The following PCGF5 variants were observed in gnomAD, a reference collection of about 807,000 sequenced individuals.
PCGF5 encodes the protein polycomb group ring finger 5.
Under a neutral mutation model 44.3 loss-of-function variants are expected in PCGF5, and 9 were observed. The ratio of observed to expected loss-of-function variants is 0.20; its 90% CI spans 0.12 to 0.35. The LOEUF is 0.35. Among genes scored for constraint, PCGF5 ranks in the 10% least tolerant of loss-of-function variants. PCGF5 has a pLI of 1.00. For synonymous variants in PCGF5, 95 were observed against 102.5 expected (o/e 0.93, Z 0.44); for missense variants, 146 against 305.3 (o/e 0.48, Z 3.89).
intron 2 of PCGF5, chr10:91,227,609 T>G: frequency 8.7e-7 from 1 of 1,153,576 alleles, no homozygotes; most frequent in Non-Finnish European, 1.1e-6. Flanking sequence ...CAGCACATTC[T>G]TAACTGTGTC....
chr10:91,207,764 G>A (rs745761076), intron 1 of PCGF5, among the ~76,000 whole-genome samples: 10 of 151,982 alleles, frequency 6.6e-5, no homozygotes, highest in Non-Finnish European at 1.5e-4. Flanking sequence ...TTGTAAAATG[G>A]CCCTCAATGT....
At chr10:91,225,599 T>C (rs1051263034) in intron 2 of PCGF5, among the ~76,000 whole-genome samples, 1 of 152,018 alleles carries the variant, frequency 6.6e-6, no homozygotes, top group Non-Finnish European at 1.5e-5. Flanking sequence ...CTTTATGTGC[T>C]CTCAGGTCCT....
chr10:91,179,734 T>C (rs1424960071), intron 1 of PCGF5, among the ~76,000 whole-genome samples: 1 of 152,232 alleles, frequency 6.6e-6, no homozygotes, highest in Non-Finnish European at 1.5e-5. Flanking sequence ...CACTTTTTGT[T>C]TATCCAGTCT....
rs748687822 is a variant in PCGF5 at position 91,271,663 on chromosome 10, C to G, written c.689C>G (p.Ser230Trp). Residue 230 changes from serine to tryptophan, a missense_variant, in exon 9 of 10, where the codon TCG (serine) becomes TGG (tryptophan). Ser to Trp is a radical substitution (Grantham distance 177, BLOSUM62 -3). This residue lies in a region of PCGF5 where 19 missense variants were observed against 17.2 expected (regional missense o/e 1.11). Coordinates refer to ENST00000336126, the MANE Select transcript of PCGF5 (RefSeq NM_032373.5). ...ENFRCLNCSASQVCSQDGPLY... is the reference protein window; with the variant it reads ...ENFRCLNCSAWQVCSQDGPLY... ...TTTCGGTGTCTGAACTGCTCAGCTT[C>G]GCAAGTCTGCTCTCAGGATGGCCCT... 2 of 1,613,910 alleles carry G rather than the reference C, an allele frequency of 1.2e-6. No individual in the cohort carries two copies. The highest frequency in any genetic ancestry group is 2.2e-5 in the South Asian group (2 of 91,076).
intron 6 of PCGF5, among the ~76,000 whole-genome samples, chr10:91,258,378 T>C (rs1845810400): frequency 6.6e-6 from 1 of 152,138 alleles, no homozygotes; most frequent in African/African-American, 2.4e-5. Flanking sequence ...GTATCCCTTA[T>C]CCAAAATGGT....
chr10:91,262,311 A>G (rs1252643416), intron 7 of PCGF5, among the ~76,000 whole-genome samples: 1 of 152,114 alleles, frequency 6.6e-6, no homozygotes, highest in African/African-American at 2.4e-5. Flanking sequence ...CTGTATTCTC[A>G]GCTACTCAGG....
chr10:91,237,899 C>G (rs1337807906), intron 2 of PCGF5, among the ~76,000 whole-genome samples: 1 of 152,100 alleles, frequency 6.6e-6, no homozygotes, highest in East Asian at 1.9e-4. Context: ...AATAAACTCA[C>G]CTCTTGATAG....
At chr10:91,243,967 A>G (rs1845394594) in intron 3 of PCGF5, among the ~76,000 whole-genome samples, 1 of 152,192 alleles carries the variant, frequency 6.6e-6, no homozygotes, top group Non-Finnish European at 1.5e-5. Context: ...CATTCAGCAA[A>G]TATTTACTGG....
chr10:91,163,374 A>G (rs983381791), intron 1 of PCGF5, among the ~76,000 whole-genome samples: 1 of 151,648 alleles, frequency 6.6e-6, no homozygotes, highest in South Asian at 2.1e-4. Context: ...TCTCTTCCCC[A>G]GAGGGGCGCC....
chr10:91,260,464 A>G lies in PCGF5; in HGVS notation c.475-862A>G, dbSNP rs567384364. ...ACCCAGCCATCCCATTACTGGGTAT[A>G]TACCCAAAGGATTATAAATCATGCT... On this transcript the variant is annotated intron_variant, in intron 6 of 9. Transcript: ENST00000336126. Among the ~76,000 whole-genome samples the G allele has an allele frequency of 2.5e-3, 374 of 152,298 alleles. 3 individuals carry two copies. The highest frequency in any genetic ancestry group is 8.4e-3 in the African/African-American group (348 of 41,552).
At chr10:91,250,296 A>G (rs1422477466) in intron 5 of PCGF5, among the ~76,000 whole-genome samples, 1 of 151,928 alleles carries the variant, frequency 6.6e-6, no homozygotes, top group East Asian at 1.9e-4. Context: ...ACAGTCATCA[A>G]AAAGGATCTG....
At chr10:91,275,920 C>T (rs921609019) in intron 9 of PCGF5, among the ~76,000 whole-genome samples, 5 of 152,080 alleles carry the variant, frequency 3.3e-5, no homozygotes, top group Non-Finnish European at 5.9e-5. Context: ...AAGGACTAAA[C>T]TCAAATGTGC....
At chr10:91,172,482 T>G (rs1347123188) in intron 1 of PCGF5, among the ~76,000 whole-genome samples, 1 of 152,192 alleles carries the variant, frequency 6.6e-6, no homozygotes, top group Non-Finnish European at 1.5e-5. Flanking sequence ...AAAAAAATCT[T>G]AGAACACTTC....
chr10:91,217,164 G>C (rs764628257), upstream of PCGF5, among the ~76,000 whole-genome samples: 77 of 152,220 alleles, frequency 5.1e-4, no homozygotes, highest in Non-Finnish European at 8.8e-4. Context: ...CTCCTGAGTA[G>C]CTGGGACTAC....
At chr10:91,170,106 T>C (rs1405232265) in intron 1 of PCGF5, among the ~76,000 whole-genome samples, 1 of 152,192 alleles carries the variant, frequency 6.6e-6, no homozygotes, top group African/African-American at 2.4e-5. Flanking sequence ...AGACACAGAC[T>C]TCACCCGTGT....
intron 1 of PCGF5, among the ~76,000 whole-genome samples, chr10:91,176,528 C>T (rs1843710832): frequency 6.6e-6 from 1 of 152,168 alleles, no homozygotes; most frequent in South Asian, 2.1e-4. Context: ...TTCCATTCTC[C>T]CTATCACTTT....
the PCGF5 span, among the ~76,000 whole-genome samples, chr10:91,157,402 A>C: frequency 6.6e-6 from 1 of 152,206 alleles, no homozygotes; most frequent in Non-Finnish European, 1.5e-5. Context: ...GTTGAATTTG[A>C]TTTTATATGG....
chr10:91,247,827 T>C (rs756555683), intron 3 of PCGF5, among the ~76,000 whole-genome samples: 10 of 152,190 alleles, frequency 6.6e-5, no homozygotes, highest in Non-Finnish European at 1.5e-4. Flanking sequence ...ATATCAGCTG[T>C]TGCTGCATAA....
Position 91,258,482 on chromosome 10 carries a change from C to T in PCGF5, c.475-2844C>T, listed in dbSNP as rs183622826. On this transcript the variant is annotated intron_variant, in intron 6 of 9. Transcript: ENST00000336126. ...CTGAAATGAATGAGTGTCATGTCAG[C>T]CCTCAGTTTCAGATTTTGGGACATT... is the stretch of plus-strand genomic sequence containing the variant. Among the ~76,000 whole-genome samples, 7 of 152,176 alleles carry T rather than the reference C, an allele frequency of 4.6e-5. No individual in the cohort carries two copies. The East Asian group carries it at 1.4e-3, about 29-fold the overall frequency.
Sources: gnomAD v4.1 joint callset for allele counts (sites outside exome capture counted in the v4.1 genomes callset) on GRCh38, gnomAD v4.1.1 for gene constraint, gnomAD v4.1.1 regional missense constraint, MANE v1.5 for transcripts, NCBI Gene and HGNC (gene_info 2026-07-23, HGNC 2026-07-21) for gene names.